B4GALT1: variants seen among roughly 807,000 people sequenced by gnomAD.
B4GALT1 encodes beta-1,4-galactosyltransferase 1.
Under a neutral mutation model 34.9 loss-of-function variants are expected in B4GALT1, and 16 were observed. The ratio of observed to expected loss-of-function variants is 0.46; its 90% CI spans 0.31 to 0.70. The LOEUF (loss-of-function observed/expected upper bound fraction) is 0.70, where lower values mean the gene tolerates loss of function less well. B4GALT1 is among the 30% of genes least tolerant of loss of function. B4GALT1 has a pLI of 0.05. For synonymous variants in B4GALT1, 221 were observed against 218.1 expected (o/e 1.01, Z -0.12); for missense variants, 445 against 530.5 (o/e 0.84, Z 1.58).
At chr9:33,125,315 G>C (rs1840075639) in intron 2 of B4GALT1, among the ~76,000 whole-genome samples, 1 of 152,240 alleles carries the variant, frequency 6.6e-6, no homozygotes, top group Admixed American at 6.5e-5. Context: ...AATTCCGAAT[G>C]AGTGAAGCCA....
At chr9:33,183,189 C>A in the B4GALT1 span, among the ~76,000 whole-genome samples, 6 of 152,124 alleles carry the variant, frequency 3.9e-5, no homozygotes, top group Non-Finnish European at 1.5e-5. Context: ...CATGAATCAT[C>A]CTTTTTTCCA....
downstream of B4GALT1, among the ~76,000 whole-genome samples, chr9:33,106,450 C>T (rs1839797446): frequency 6.6e-6 from 1 of 152,278 alleles, no homozygotes; most frequent in East Asian, 1.9e-4. Flanking sequence ...TACTCTTGAC[C>T]CTGCTGAGCT....
In B4GALT1 at chr9:33,113,853, A is replaced by C. The variant is rs1839901537; in HGVS notation, c.985T>G (p.Ser329Ala). ...NRLVFRGMSISRPNAVVGRCR... is the reference protein window; with the variant it reads ...NRLVFRGMSIARPNAVVGRCR... ...CTCCCGACCACAGCATTTGGGCGAGATATAGACATGCCTCTAAAAACTAAT... is the reference window on the plus strand; with the variant it reads ...CTCCCGACCACAGCATTTGGGCGAGCTATAGACATGCCTCTAAAAACTAAT... The change falls in exon 5 of 6, where the codon TCT becomes GCT. Residue 329 changes from serine (S) to alanine (A), a missense_variant. Around this residue, in one of 3 missense-constraint regions of B4GALT1, gnomAD observed 89 missense variants for 107.6 expected, o/e 0.83. Transcript: ENST00000379731. The C allele has an allele frequency of 5.0e-6, 8 of 1,614,232 alleles. No individual in the cohort carries two copies. The East Asian group carries it at 1.8e-4, about 36-fold the overall frequency.
chr9:33,139,972 C>T (rs976104794), intron 1 of B4GALT1, among the ~76,000 whole-genome samples: 3 of 152,248 alleles, frequency 2.0e-5, no homozygotes, highest in African/African-American at 4.8e-5. Context: ...GCTCAAGCCC[C>T]GCCACGTGGG....
In B4GALT1 at chr9:33,113,305, TG is replaced by T; in HGVS notation, c.*148del. On this transcript the variant is annotated 3_prime_UTR_variant, in exon 6 of 6. Coordinates refer to ENST00000379731, the MANE Select transcript of B4GALT1 (RefSeq NM_001497.4). The stretch of plus-strand genomic sequence containing the variant: ...TGGGGGCAAAATATCCCACTCGTCC[TG>T]GTCATCTGGAAAGCCATCTGAATGA... 1 of 1,210,148 alleles carries T rather than the reference TG, an allele frequency of 8.3e-7. No individual in the cohort carries two copies. The highest frequency in any genetic ancestry group is 1.5e-5 in the African/African-American group (1 of 66,962). The allele number at this position is 1,210,148 out of a possible 1,614,324, so 75.0% of individuals were successfully genotyped here. A position where few individuals can be genotyped will look rare whatever the true frequency, so the allele number is the denominator to read the frequency against.
At chr9:33,124,592 C>T (rs930777679) in intron 2 of B4GALT1, among the ~76,000 whole-genome samples, 16 of 152,264 alleles carry the variant, frequency 1.1e-4, no homozygotes, top group African/African-American at 3.8e-4. Flanking sequence ...GCCATGACAG[C>T]ACCACCGCAC....
In B4GALT1 at chr9:33,152,309, A is replaced by AATAACATAACATAACATAAC. The variant is rs370702963; in HGVS notation, c.412+14429_412+14448dup. Among the ~76,000 whole-genome samples the AATAACATAACATAACATAAC allele has an allele frequency of 2.0e-4, 24 of 121,962 alleles. 1 individual carries two copies. Among genetic ancestry groups the AATAACATAACATAACATAAC allele is most frequent in the Admixed American group, 8.7e-4 (10 of 11,508 alleles). 80.0% of individuals were successfully genotyped at this position (121,962 alleles called of 152,430 possible). On this transcript the variant is annotated intron_variant, in intron 1 of 5. Transcript: ENST00000379731. ...ACAGAGCAAGACTCCCTCTCCAAAAAATAACATAACATAACATAACATAAC... is the reference window on the plus strand; with the variant it reads ...ACAGAGCAAGACTCCCTCTCCAAAAAATAACATAACATAACATAACATAACATAACATAACATAACATAAC...
At chr9:33,138,663 A>C (rs1241527929) in intron 1 of B4GALT1, among the ~76,000 whole-genome samples, 1 of 151,948 alleles carries the variant, frequency 6.6e-6, no homozygotes, top group Non-Finnish European at 1.5e-5. Flanking sequence ...CCCTATACCC[A>C]GGTCTTTGGT....
chr9:33,140,176 G>A (rs1840327942), intron 1 of B4GALT1, among the ~76,000 whole-genome samples: 1 of 152,228 alleles, frequency 6.6e-6, no homozygotes, highest in African/African-American at 2.4e-5. Context: ...TTTTCATGCT[G>A]GCTGAAGCAC....
At chr9:33,159,123 CT>C (rs1165782348) in intron 1 of B4GALT1, among the ~76,000 whole-genome samples, 1 of 152,150 alleles carries the variant, frequency 6.6e-6, no homozygotes, top group Non-Finnish European at 1.5e-5. Context: ...TTTCCTGTTT[CT>C]TTTTTTGTTG....
rs758032689 is a variant in B4GALT1 at position 33,135,408 on chromosome 9, A to T, written c.429T>A (p.Ile143=). Residue 143 remains isoleucine, a synonymous_variant, in exon 2 of 6, where the codon ATT becomes ATA. Transcript: ENST00000379731. ...CCAGGTCCACAGGCATGTTAAACTC[A>T]ATCAGCATGGGGCCCACTAGAGAGG... ...ESPLLVGPML[I]EFNMPVDLEL... 7 of 1,613,908 alleles carry T rather than the reference A, an allele frequency of 4.3e-6. No individual in the cohort carries two copies. The highest frequency in any genetic ancestry group is 1.7e-6 in the Non-Finnish European group (2 of 1,179,958).
rs1366419412 is a variant in B4GALT1 at position 33,127,109 on chromosome 9, GC to G, written c.649-6504del. 2.0e-5 allele frequency among the ~76,000 whole-genome samples: 3 copies of G among 152,048 alleles called. No individual in the cohort carries two copies. In the East Asian group the frequency reaches 5.8e-4, roughly 29 times the overall value. ...CCCGAGTAGCTGGGACTTTTCAAGT[GC>G]CCGCCACCACGCCCGGCTAATTTTT... is the stretch of plus-strand genomic sequence containing the variant. On this transcript the variant is annotated intron_variant, in intron 2 of 5. Transcript: ENST00000379731.
chr9:33,105,515 T>C (rs1839789438), intron 2 of B4GALT1, among the ~76,000 whole-genome samples: 2 of 152,172 alleles, frequency 1.3e-5, no homozygotes, highest in Admixed American at 1.3e-4. Context: ...CAATGTAAAG[T>C]TCTGTGGCAT....
intron 1 of B4GALT1, among the ~76,000 whole-genome samples, chr9:33,148,254 C>A (rs111405590): frequency 1.3e-5 from 2 of 152,198 alleles, no homozygotes; most frequent in African/African-American, 4.8e-5. Context: ...AAGAAATGCT[C>A]CAGCTCATTG....
chr9:33,141,820 A>G (rs1221211760), intron 1 of B4GALT1, among the ~76,000 whole-genome samples: 1 of 152,122 alleles, frequency 6.6e-6, no homozygotes, highest in Admixed American at 6.6e-5. Context: ...CTTCTCTGCC[A>G]CCTGCACAAG....
At chr9:33,110,286 G>C (rs1364225238), downstream of B4GALT1, among the ~76,000 whole-genome samples, 1 of 150,968 alleles carries the variant, frequency 6.6e-6, no homozygotes, top group Non-Finnish European at 1.5e-5. Flanking sequence ...TGGTGCAAAT[G>C]GCCCTGAGAT....
chr9:33,166,267 A>G (rs1479344759), intron 1 of B4GALT1, among the ~76,000 whole-genome samples: 2 of 152,204 alleles, frequency 1.3e-5, no homozygotes, highest in Non-Finnish European at 2.9e-5. Flanking sequence ...ACTTGGCCCA[A>G]ACGATCAGGA....
intron 3 of B4GALT1, 53 bp downstream of exon 3, chr9:33,120,366 T>C: frequency 6.2e-7 from 1 of 1,600,032 alleles, no homozygotes; most frequent in South Asian, 1.1e-5. Flanking sequence ...CATTTCCTAG[T>C]CAACACATGA....
chr9:33,135,554 A>G, intron 1 of B4GALT1, 130 bp from the exon 2 acceptor site: 1 of 888,250 alleles, frequency 1.1e-6, no homozygotes, highest in Non-Finnish European at 1.8e-6. Flanking sequence ...CAACGTGGCC[A>G]CGGAGAGGGC....
Sources: allele counts gnomAD v4.1 joint callset (sites outside exome capture counted in the v4.1 genomes callset), GRCh38; gene constraint gnomAD v4.1.1; regional missense constraint gnomAD v4.1.1; transcripts MANE v1.5; gene names NCBI Gene and HGNC (gene_info 2026-07-23, HGNC 2026-07-21).